Variants in PCDHGA3 observed in about 807,000 individuals in gnomAD.
PCDHGA3 encodes the protein protocadherin gamma-A3.
Under a neutral mutation model 58.5 loss-of-function variants are expected in PCDHGA3, and 40 were observed. That is an observed-to-expected ratio of 0.68 (90% CI 0.53 to 0.89). The LOEUF is 0.89. Ranked by LOEUF, PCDHGA3 falls within the 40% of genes least tolerant of loss-of-function variation. PCDHGA3 has a pLI of 0.00. For missense variants in PCDHGA3, 1,223 were observed against 1,195.9 expected (o/e 1.02, Z -0.33); for synonymous variants, 530 against 525.7 (o/e 1.01, Z -0.11).
intron 1 of PCDHGA3, chr5:141,385,140 G>T: frequency 1.9e-6 from 3 of 1,614,190 alleles, no homozygotes; most frequent in Non-Finnish European, 2.5e-6. Context: ...ACGGGGTGCA[G>T]GCTTTCCTGC....
intron 1 of PCDHGA3, among the ~76,000 whole-genome samples, chr5:141,439,243 T>C (rs2098101178): frequency 6.6e-6 from 1 of 151,962 alleles, no homozygotes; most frequent in Non-Finnish European, 1.5e-5. Flanking sequence ...CCTATACAAT[T>C]TCAGCTGAAG....
chr5:141,511,351 C>T lies in PCDHGA3; in HGVS notation c.*178C>T. The T allele has an allele frequency of 3.6e-6, 5 of 1,386,550 alleles. No individual in the cohort carries two copies. Among genetic ancestry groups the T allele is most frequent in the South Asian group, 1.5e-5 (1 of 67,154 alleles). The allele number at this position is 1,386,550 out of a possible 1,614,324, so 85.9% of individuals were successfully genotyped here. On this transcript the variant is annotated 3_prime_UTR_variant, in exon 4 of 4. Transcript: ENST00000253812. ...CCAGTCAGCACCTACCCCTTCCCCC[C>T]CAGGGGGTTGAATATGCAAAAGCAG...
intron 1 of PCDHGA3, chr5:141,399,478 G>T (rs367753385): frequency 2.0e-5 from 32 of 1,613,894 alleles, no homozygotes; most frequent in Non-Finnish European, 2.6e-5. Context: ...TTTCCACCAG[G>T]CGTCCTACTT....
chr5:141,360,609 G>C, intron 1 of PCDHGA3: 1 of 1,613,936 alleles, frequency 6.2e-7, no homozygotes, highest in Non-Finnish European at 8.5e-7. Flanking sequence ...ACCCAGCCCT[G>C]GATTCAGATG....
At chr5:141,478,838 T>C (rs1439577444) in intron 1 of PCDHGA3, 1 of 1,426,484 alleles carries the variant, frequency 7.0e-7, no homozygotes, top group Non-Finnish European at 9.2e-7. Flanking sequence ...TAAGGGATGG[T>C]TAAGCTAAAA....
At chr5:141,374,714 G>A (rs1236113306) in intron 1 of PCDHGA3, 1 of 1,609,850 alleles carries the variant, frequency 6.2e-7, no homozygotes, top group Middle Eastern at 1.7e-4. Flanking sequence ...TTACCGCCTG[G>A]TCCTTACTGC....
chr5:141,468,651 G>C (rs2099171216), intron 1 of PCDHGA3: 1 of 152,018 alleles, frequency 6.6e-6, no homozygotes, highest in African/African-American at 2.4e-5. Context: ...CGGATCACAA[G>C]GTCAGGAGAT....
intron 1 of PCDHGA3, chr5:141,389,289 A>G (rs1384091312): frequency 1.2e-6 from 2 of 1,613,966 alleles, no homozygotes; most frequent in African/African-American, 1.3e-5. Context: ...TGGAGCCTCT[A>G]TTTCACAAGT....
chr5:141,484,653 C>G (rs2099598614), intron 1 of PCDHGA3, among the ~76,000 whole-genome samples: 1 of 152,036 alleles, frequency 6.6e-6, no homozygotes, highest in Non-Finnish European at 1.5e-5. Flanking sequence ...AATGGCTACT[C>G]TCCCTCTCAG....
chr5:141,345,495 A>G lies in PCDHGA3; in HGVS notation c.1462A>G (p.Thr488Ala), dbSNP rs1200879265. The change falls in exon 1 of 4, where the codon ACT becomes GCT. Residue 488 changes from threonine (T) to alanine (A), a missense_variant. Thr to Ala is a moderately conservative substitution (Grantham distance 58). Transcript: ENST00000253812. ...DPDSNNNARI[T>A]YALTEDTLQG... is the part of the protein sequence containing the mutation. ...AGATAGCAACAACAACGCCCGCATC[A>G]CTTATGCATTGACCGAGGACACTCT... 1 of 1,614,106 alleles carries G rather than the reference A, an allele frequency of 6.2e-7. No homozygotes were observed. The highest frequency in any genetic ancestry group is 1.1e-5 in the South Asian group (1 of 91,074).
intron 1 of PCDHGA3, chr5:141,405,458 T>C (rs2094670240): frequency 2.4e-6 from 3 of 1,231,152 alleles, no homozygotes; most frequent in Non-Finnish European, 2.3e-6. Flanking sequence ...CTTACTCTGT[T>C]ACCCAGGCTG....
At chr5:141,444,152 A>ATTTTTTTTTTTTTTTTT (rs747671382) in intron 1 of PCDHGA3, among the ~76,000 whole-genome samples, 1 of 33,898 alleles carries the variant, frequency 3.0e-5, no homozygotes, top group African/African-American at 1.4e-4. Context: ...TGTGTACTGG[A>ATTTTTTTTTTTTTTTTT]TTTTTTTTTT....
chr5:141,405,124 G>A (rs1490821452), intron 1 of PCDHGA3: 2 of 1,614,020 alleles, frequency 1.2e-6, no homozygotes, highest in Admixed American at 3.3e-5. Context: ...CCTCGCATCT[G>A]CTGCGGGCTA....
chr5:141,371,978 C>T, intron 1 of PCDHGA3: 3 of 1,613,240 alleles, frequency 1.9e-6, no homozygotes, highest in Non-Finnish European at 2.5e-6. Context: ...TGCGTGCCTT[C>T]GAGCTCACTC....
At chr5:141,501,312 C>T (rs2099807672) in intron 2 of PCDHGA3, among the ~76,000 whole-genome samples, 1 of 151,778 alleles carries the variant, frequency 6.6e-6, no homozygotes, top group South Asian at 2.1e-4. Context: ...CACACACACA[C>T]ACACACACAC....
intron 1 of PCDHGA3, chr5:141,413,354 C>T: frequency 6.2e-7 from 1 of 1,613,974 alleles, no homozygotes; most frequent in South Asian, 1.1e-5. Flanking sequence ...GGTCTGGCGC[C>T]CCGGGAGCTG....
At chr5:141,506,172 TG>T (rs2099850913) in intron 3 of PCDHGA3, among the ~76,000 whole-genome samples, 1 of 152,128 alleles carries the variant, frequency 6.6e-6, no homozygotes, top group South Asian at 2.1e-4. Flanking sequence ...CAGCCTAAGC[TG>T]GGCGTGGTGG....
chr5:141,454,669 AC>A (rs1292139052), intron 1 of PCDHGA3, among the ~76,000 whole-genome samples: 1 of 151,212 alleles, frequency 6.6e-6, no homozygotes, highest in African/African-American at 2.4e-5. Context: ...GCCTCCCAAA[AC>A]ACTGGGATTA....
intron 1 of PCDHGA3, chr5:141,356,138 G>A (rs753493345): frequency 6.2e-7 from 1 of 1,613,698 alleles, no homozygotes; most frequent in South Asian, 1.1e-5. Flanking sequence ...GAGGACTCTG[G>A]ATTCTATGAC....
Sources: gnomAD v4.1 joint callset for allele counts (sites outside exome capture counted in the v4.1 genomes callset) on GRCh38, gnomAD v4.1.1 for gene constraint, MANE v1.5 for transcripts, NCBI Gene and HGNC (gene_info 2026-07-23, HGNC 2026-07-21) for gene names.